The following GLYATL1B variants were observed in gnomAD, a reference collection of about 807,000 sequenced individuals.
The protein encoded by GLYATL1B is putative glycine N-acyltransferase-like protein 1B.
A neutral mutation model predicts 5.5 loss-of-function variants in GLYATL1B; 6 were observed. The ratio of observed to expected loss-of-function variants is 1.09; its 90% CI spans 0.60 to 2.15. The LOEUF (loss-of-function observed/expected upper bound fraction) is 2.15. GLYATL1B is among the 30% of genes most tolerant of loss of function. The pLI is 0.00. For synonymous variants in GLYATL1B, 67 were observed against 34.9 expected (o/e 1.92, Z -3.24); for missense variants, 135 against 94.1 (o/e 1.43, Z -1.80).
rs1284085348 is a variant in GLYATL1B at position 59,094,592 on chromosome 11, C to T, written c.715C>T (p.Arg239Ter). 26 of 489,228 alleles carry T rather than the reference C, an allele frequency of 5.3e-5. No homozygotes were observed. Among genetic ancestry groups the T allele is most frequent in the East Asian group, 3.6e-4 (11 of 30,804 alleles). 30.3% of individuals were successfully genotyped at this position (489,228 alleles called of 1,614,324 possible). ...AATGGGCTACAGTGTGGAAAAATACCGAAGGAGAGGCAATGGGACACGGCT... is the reference window on the plus strand; with the variant it reads ...AATGGGCTACAGTGTGGAAAAATACTGAAGGAGAGGCAATGGGACACGGCT... ...IGMGYSVEKYRRRGNGTRLIM... is the reference protein window; with the variant it reads ...IGMGYSVEKY Residue 239 changes from arginine to a stop codon, truncating the protein, a stop_gained, in exon 5 of 5, where the codon CGA becomes TGA. Coordinates refer to ENST00000527482, the MANE Select transcript of GLYATL1B (RefSeq NM_001355566.1). LOFTEE classifies it low-confidence loss of function (END_TRUNC).
intron 1 of GLYATL1B, 87 bp downstream of exon 1, chr11:59,086,471 CTT>C (rs1859197875): frequency 5.0e-6 from 2 of 396,066 alleles, no homozygotes; most frequent in African/African-American, 4.1e-5. Context: ...TCCTTCCTGA[CTT>C]TGTGCAGAGG....
chr11:59,087,853 C>A (rs1859222330), intron 2 of GLYATL1B, among the ~76,000 whole-genome samples: 2 of 152,204 alleles, frequency 1.3e-5, no homozygotes, highest in Non-Finnish European at 2.9e-5. Context: ...GTCATGAAAA[C>A]AATAAAAGTT....
At chr11:59,093,449 C>T (rs1392244842) in intron 2 of GLYATL1B, 80 bp from the exon 3 acceptor site, 1 of 452,052 alleles carries the variant, frequency 2.2e-6, no homozygotes, top group Non-Finnish European at 4.0e-6. Flanking sequence ...TTTGAATTTT[C>T]ATTTTTCTAA....
intron 2 of GLYATL1B, among the ~76,000 whole-genome samples, chr11:59,088,758 C>T (rs1859245965): frequency 1.3e-5 from 2 of 152,210 alleles, no homozygotes; most frequent in South Asian, 2.1e-4. Flanking sequence ...CCATGCCACA[C>T]ATATATGACC....
At position 59,093,319 on chromosome 11, in the gene GLYATL1B, G is replaced by C. The variant is rs575173556; in HGVS notation, c.187-210G>C. 2.0e-5 allele frequency among the ~76,000 whole-genome samples: 3 copies of C among 152,340 alleles called. No homozygotes were observed. The South Asian group carries it at 6.2e-4, about 32-fold the overall frequency. On this transcript the variant is annotated intron_variant, in intron 2 of 4. Coordinates refer to ENST00000527482, the MANE Select transcript of GLYATL1B (RefSeq NM_001355566.1). ...GCAGGTTTATAACCAGTAACTGTCA[G>C]TGTTCAATATTTAACAAACTCCAGT...
At chr11:59,091,566 TC>T in intron 2 of GLYATL1B, among the ~76,000 whole-genome samples, 1 of 152,310 alleles carries the variant, frequency 6.6e-6, no homozygotes, top group South Asian at 2.1e-4. Context: ...AATGCTTAGC[TC>T]CCAGTTATGA....
At chr11:59,087,590 AT>A (rs1385668381) in intron 2 of GLYATL1B, among the ~76,000 whole-genome samples, 1 of 152,190 alleles carries the variant, frequency 6.6e-6, no homozygotes, top group African/African-American at 2.4e-5. Flanking sequence ...TTTATCTGTA[AT>A]CCCAGCACTT....
chr11:59,094,139 T>G (rs1276376550), intron 4 of GLYATL1B, 28 bp downstream of exon 4: 1 of 574,302 alleles, frequency 1.7e-6, no homozygotes, highest in Non-Finnish European at 3.1e-6. Flanking sequence ...TGATCATTTA[T>G]AATTGCTATT....
In GLYATL1B at chr11:59,089,356, A is replaced by G. The variant is rs1320296391; in HGVS notation, c.186+2185A>G. ...CTTTACATCCTGGAAACTTTTCTCA[A>G]TGCAATTGGTTTCCAAAAGGGATAA... On this transcript the variant is annotated intron_variant, in intron 2 of 4. Coordinates refer to ENST00000527482, the MANE Select transcript of GLYATL1B (RefSeq NM_001355566.1). Among the ~76,000 whole-genome samples, 6 of 152,160 alleles carry G rather than the reference A, an allele frequency of 3.9e-5. No individual in the cohort carries two copies. In the East Asian group the frequency reaches 1.2e-3, roughly 29 times the overall value.
chr11:59,088,791 A>G (rs1022916855), intron 2 of GLYATL1B, among the ~76,000 whole-genome samples: 4 of 152,216 alleles, frequency 2.6e-5, no homozygotes, highest in African/African-American at 9.6e-5. Context: ...AGAATGAAAT[A>G]TGCTGCAATT....
intron 2 of GLYATL1B, among the ~76,000 whole-genome samples, chr11:59,092,772 T>G (rs1859344467): frequency 6.6e-6 from 1 of 152,240 alleles, no homozygotes; most frequent in Non-Finnish European, 1.5e-5. Context: ...AAAATTCAGT[T>G]ACTTCATTCT....
chr11:59,092,174 T>G (rs1454216362), intron 2 of GLYATL1B, among the ~76,000 whole-genome samples: 1 of 152,098 alleles, frequency 6.6e-6, no homozygotes, highest in African/African-American at 2.4e-5. Flanking sequence ...TTTTTTTTCT[T>G]TTTTCTCTTT....
At chr11:59,090,503 C>A (rs1859285925) in intron 2 of GLYATL1B, among the ~76,000 whole-genome samples, 1 of 151,768 alleles carries the variant, frequency 6.6e-6, no homozygotes, top group Non-Finnish European at 1.5e-5. Flanking sequence ...GTGATTTTTC[C>A]ATTAAGTTTA....
intron 2 of GLYATL1B, among the ~76,000 whole-genome samples, chr11:59,091,259 T>A (rs1859303194): frequency 6.6e-6 from 1 of 150,762 alleles, no homozygotes; most frequent in Non-Finnish European, 1.5e-5. Context: ...GTTACCAAAG[T>A]CTACTATTAA....
intron 1 of GLYATL1B, 95 bp downstream of exon 1, chr11:59,086,479 A>T (rs1440045100): frequency 5.1e-6 from 2 of 395,442 alleles, no homozygotes; most frequent in Non-Finnish European, 8.9e-6. Context: ...GACTTTGTGC[A>T]GAGGGTTGGA....
At position 59,091,619 on chromosome 11, in the gene GLYATL1B, G is replaced by A. The variant is rs576303400; in HGVS notation, c.187-1910G>A. Among the ~76,000 whole-genome samples, 12 of 152,246 alleles carry A rather than the reference G, an allele frequency of 7.9e-5. No individual in the cohort carries two copies. In the East Asian group the frequency reaches 1.7e-3, roughly 22 times the overall value. On this transcript the variant is annotated intron_variant, in intron 2 of 4. Coordinates refer to ENST00000527482, the MANE Select transcript of GLYATL1B (RefSeq NM_001355566.1). ...TGATTTTCTGTTACAGCATTAATTTGCTTAGGATTATTACACTGTGGAAAG... is the reference window on the plus strand; with the variant it reads ...TGATTTTCTGTTACAGCATTAATTTACTTAGGATTATTACACTGTGGAAAG...
intron 2 of GLYATL1B, among the ~76,000 whole-genome samples, chr11:59,088,822 T>A (rs1002686641): frequency 1.1e-4 from 16 of 152,230 alleles, no homozygotes; most frequent in African/African-American, 3.6e-4. Context: ...TACATTCACT[T>A]AGTCTGATTC....
At chr11:59,089,040 C>T (rs1859252068) in intron 2 of GLYATL1B, among the ~76,000 whole-genome samples, 1 of 152,190 alleles carries the variant, frequency 6.6e-6, no homozygotes. Flanking sequence ...CTTTGCCCTC[C>T]TCTCCTCCAT....
At chr11:59,087,829 C>A (rs1285153718) in intron 2 of GLYATL1B, among the ~76,000 whole-genome samples, 2 of 152,170 alleles carry the variant, frequency 1.3e-5, no homozygotes, top group African/African-American at 4.8e-5. Flanking sequence ...GCCTGGCCAA[C>A]AGAGTGAGAC....
Sources: allele counts gnomAD v4.1 joint callset (sites outside exome capture counted in the v4.1 genomes callset), GRCh38; gene constraint gnomAD v4.1.1; transcripts MANE v1.5; gene names NCBI Gene and HGNC (gene_info 2026-07-23, HGNC 2026-07-21).